The following TGFB1 variants were observed in gnomAD, a reference collection of about 807,000 sequenced individuals.
TGFB1 encodes the protein transforming growth factor beta-1 proprotein.
A neutral mutation model predicts 43.8 loss-of-function variants in TGFB1; 19 were observed. The ratio of observed to expected loss-of-function variants is 0.43; its 90% confidence interval spans 0.30 to 0.64. The LOEUF (loss-of-function observed/expected upper bound fraction) is 0.64, where lower values mean the gene tolerates loss of function less well. Ranked by LOEUF, TGFB1 falls within the 30% of genes least tolerant of loss-of-function variation. TGFB1 has a pLI of 0.11. For synonymous variants in TGFB1, 221 were observed against 236.3 expected, an observed-to-expected ratio of 0.94 and a Z score of 0.60; for missense variants, 445 against 529.8, an observed-to-expected ratio of 0.84 and a Z score of 1.57.
Position 41,342,163 on chromosome 19 carries a change from G to T in TGFB1, c.712+7C>A. On this transcript the variant is annotated splice_region_variant and intron_variant, in intron 4 of 6. Transcript: ENST00000221930. ...CAACTGGGCATGGCCGGGGAAGCAG[G>T]CCTCACCGTTGATGTCCACTTGCAG... The T allele has an allele frequency of 6.2e-7, 1 of 1,610,400 alleles. No individual in the cohort carries two copies. Among genetic ancestry groups the T allele is most frequent in the Non-Finnish European group, 8.5e-7 (1 of 1,178,282 alleles).
intron 1 of TGFB1, 147 bp downstream of exon 1, chr19:41,352,543 C>G (rs903693962): frequency 3.7e-5 from 36 of 985,542 alleles, no homozygotes; most frequent in Non-Finnish European, 5.6e-5. Context: ...TCGGACACCC[C>G]CCTCCCACCA....
intron 5 of TGFB1, among the ~76,000 whole-genome samples, chr19:41,339,100 A>G (rs978101993): frequency 6.7e-6 from 1 of 149,850 alleles, no homozygotes; most frequent in African/African-American, 2.5e-5. Context: ...GTTAGGATCT[A>G]CAGTCCTGAT....
At chr19:41,344,618 G>C (rs1396894096) in intron 3 of TGFB1, 129 bp downstream of exon 3, 1 of 816,042 alleles carries the variant, frequency 1.2e-6, no homozygotes, top group Non-Finnish European at 2.1e-6. Context: ...ATGCCACAGA[G>C]GGGAGCCAGG....
rs1227900156 is a variant in TGFB1, at chr19:41,348,230, C to A, written c.516+65G>T. 8 of 1,597,658 alleles carry A rather than the reference C, an allele frequency of 5.0e-6. No individual in the cohort carries two copies. In the East Asian group the frequency reaches 1.6e-4, roughly 31 times the overall value. On this transcript the variant is annotated intron_variant, in intron 2 of 6. Transcript: ENST00000221930. Reference sequence around the variant, plus strand: ...TTGTAACCAGCCGACCCACAGCCACCCCCTTGGTCACAGCTCACCCTCTCC... The same window carrying A: ...TTGTAACCAGCCGACCCACAGCCACACCCTTGGTCACAGCTCACCCTCTCC...
At chr19:41,337,661 C>T (rs2038003032) in intron 5 of TGFB1, among the ~76,000 whole-genome samples, 1 of 152,068 alleles carries the variant, frequency 6.6e-6, no homozygotes, top group South Asian at 2.1e-4. Context: ...TATAGACTGA[C>T]CCTTGGACAT....
intron 3 of TGFB1, among the ~76,000 whole-genome samples, chr19:41,342,623 T>C (rs1248339149): frequency 2.0e-5 from 3 of 151,596 alleles, no homozygotes; most frequent in African/African-American, 4.8e-5. Flanking sequence ...CAAACGATTC[T>C]CCTGCCTCAG....
chr19:41,331,004 G>A lies in TGFB1; in HGVS notation c.*48C>T. 6.8e-7 allele frequency: 1 copy of A among 1,464,808 alleles called. No homozygotes were observed. The highest frequency in any genetic ancestry group is 9.0e-7 in the Non-Finnish European group (1 of 1,106,338). The allele number at this position is 1,464,808 out of a possible 1,614,324, so 90.7% of individuals were successfully genotyped here. ...CCATGGGCAAGGCAGCGGGGGCGGGGCGGGGTGGGGCCGGGCCTGCCGGGG... is the reference window on the plus strand; with the variant it reads ...CCATGGGCAAGGCAGCGGGGGCGGGACGGGGTGGGGCCGGGCCTGCCGGGG... On this transcript the variant is annotated 3_prime_UTR_variant, in exon 7 of 7. Coordinates refer to ENST00000221930, the MANE Select transcript of TGFB1 (RefSeq NM_000660.7).
At position 41,330,522 on chromosome 19, in the gene TGFB1, A is replaced by AC. The variant is rs957552436; in HGVS notation, c.*529dup. ...AGTGCTAGGATTACAGGCGTGAGCCACCCCGCCTGGCCTGAACTACTATCT... is the reference window on the plus strand; with the variant it reads ...AGTGCTAGGATTACAGGCGTGAGCCACCCCCGCCTGGCCTGAACTACTATCT... On this transcript the variant is annotated 3_prime_UTR_variant, in exon 7 of 7. Coordinates refer to ENST00000221930, the MANE Select transcript of TGFB1 (RefSeq NM_000660.7). The AC allele has an allele frequency of 6.6e-6, 1 of 152,550 alleles. No individual in the cohort carries two copies. Among genetic ancestry groups the AC allele is most frequent in the African/African-American group, 2.4e-5 (1 of 41,400 alleles). 9.4% of individuals were successfully genotyped at this position (152,550 alleles called of 1,614,324 possible). A position where few individuals can be genotyped will look rare whatever the true frequency, so the allele number is the denominator to read the frequency against.
At position 41,352,913 on chromosome 19, in the gene TGFB1, C is replaced by A; in HGVS notation, c.132G>T (p.Lys44Asn). ...KTIDMELVKR[K>N]RIEAIRGQIL... ...TCTGGCCGCGGATGGCCTCGATGCG[C>A]TTCCGCTTCACCAGCTCCATGTCGA... Residue 44 changes from lysine (K) to asparagine (N), a missense_variant, in exon 1 of 7, where the codon AAG becomes AAT. Transcript: ENST00000221930. 2.6e-6 allele frequency: 4 copies of A among 1,558,254 alleles called. No individual in the cohort carries two copies. Among genetic ancestry groups the A allele is most frequent in the Non-Finnish European group, 3.5e-6 (4 of 1,152,710 alleles).
intron 3 of TGFB1, among the ~76,000 whole-genome samples, chr19:41,344,542 A>G (rs1368842177): frequency 6.6e-6 from 1 of 152,188 alleles, no homozygotes; most frequent in African/African-American, 2.4e-5. Flanking sequence ...TGTCCTTGGC[A>G]TCACCCATCA....
intron 5 of TGFB1, among the ~76,000 whole-genome samples, chr19:41,333,004 G>A (rs1003318290): frequency 6.6e-6 from 1 of 151,890 alleles, no homozygotes; most frequent in Non-Finnish European, 1.5e-5. Context: ...AGTCCTCACC[G>A]TGAGCCACAA....
At chr19:41,352,429 C>T (rs2038215317) in intron 1 of TGFB1, among the ~76,000 whole-genome samples, 1 of 150,912 alleles carries the variant, frequency 6.6e-6, no homozygotes, top group Non-Finnish European at 1.5e-5. Flanking sequence ...ACTGCCCCCA[C>T]GACCCCGCAT....
chr19:41,341,466 CAAAAAA>C (rs770264069), intron 5 of TGFB1, among the ~76,000 whole-genome samples: 106 of 35,580 alleles, frequency 3.0e-3, no homozygotes, highest in South Asian at 4.2e-3. Flanking sequence ...GACTCTGTCT[CAAAAAA>C]AAAAAAAAAA....
intron 5 of TGFB1, among the ~76,000 whole-genome samples, chr19:41,337,388 A>G (rs2037999386): frequency 6.6e-6 from 1 of 151,796 alleles, no homozygotes; most frequent in African/African-American, 2.4e-5. Flanking sequence ...TGGTCCACCC[A>G]CCTTGGCCTC....
chr19:41,336,206 C>T (rs1298470263), intron 5 of TGFB1, among the ~76,000 whole-genome samples: 3 of 151,990 alleles, frequency 2.0e-5, no homozygotes, highest in African/African-American at 7.3e-5. Context: ...CCATGTTGGA[C>T]AGGCTGGTCT....
rs2038099857 is a variant in TGFB1, at chr19:41,344,972, A to G, written c.517-108T>C. ...TCTGCTTCCCCAAACAGGCTTCCAG[A>G]AAGTTCCCAGGCACTACCCTCTCAG... On this transcript the variant is annotated intron_variant, in intron 2 of 6. Coordinates refer to ENST00000221930, the MANE Select transcript of TGFB1 (RefSeq NM_000660.7). 1.5e-5 allele frequency: 16 copies of G among 1,097,806 alleles called. No homozygotes were observed. The Admixed American group carries it at 3.0e-4, about 21-fold the overall frequency. 68.0% of individuals were successfully genotyped at this position (1,097,806 alleles called of 1,614,324 possible).
At position 41,341,832 on chromosome 19, in the gene TGFB1, G is replaced by A. The variant is rs11466334; in HGVS notation, c.860+51C>T. The A allele has an allele frequency of 4.5e-3, 7,205 of 1,610,914 alleles. 276 individuals carry two copies. In the African/African-American group the frequency reaches 0.081, roughly 18 times the overall value. On this transcript the variant is annotated intron_variant, in intron 5 of 6. Transcript: ENST00000221930. ...AACCTGGAGCACCTGGTCAGCAGAT[G>A]GCAGTCATGCCCCCAGCCTGGAAGG...
Position 41,353,720 on chromosome 19 carries a change from TCTCAGACTCTGGGGC to T in TGFB1, c.-691_-677del, listed in dbSNP as rs2038248558. The T allele has an allele frequency of 6.7e-6, 1 of 149,942 alleles. No individual in the cohort carries two copies. Among genetic ancestry groups the T allele is most frequent in the South Asian group, 2.1e-4 (1 of 4,714 alleles). 9.3% of individuals were successfully genotyped at this position (149,942 alleles called of 1,614,324 possible). On this transcript the variant is annotated 5_prime_UTR_variant, in exon 1 of 7. Coordinates refer to ENST00000221930, the MANE Select transcript of TGFB1 (RefSeq NM_000660.7). The surrounding 1 kb of genome is among the most constrained non-coding windows in gnomAD (Gnocchi z 5.9). ...CAGTGGCGGGGGCGGCGGCGGCTCGTCTCAGACTCTGGGGCCTCAGGCTGCTCCTCGGCGACTCCT... is the reference window on the plus strand; with the variant it reads ...CAGTGGCGGGGGCGGCGGCGGCTCGTCTCAGGCTGCTCCTCGGCGACTCCT...
chr19:41,341,568 G>A (rs934269284), intron 5 of TGFB1, among the ~76,000 whole-genome samples: 14 of 145,270 alleles, frequency 9.6e-5, no homozygotes, highest in Middle Eastern at 3.3e-3. Context: ...CGCCCACCAC[G>A]CCTGGCTAAT....
Sources: gnomAD v4.1 joint callset for allele counts (sites outside exome capture counted in the v4.1 genomes callset) on GRCh38, gnomAD v4.1.1 for gene constraint, Gnocchi (gnomAD v3.1) non-coding constraint, MANE v1.5 for transcripts, NCBI Gene and HGNC (gene_info 2026-07-23, HGNC 2026-07-21) for gene names.